ALS2: variants seen among roughly 807,000 people sequenced by gnomAD.
ALS2 encodes alsin.
A neutral mutation model predicts 203.4 loss-of-function variants in ALS2; 117 were observed. The observed-to-expected ratio is 0.58, with a 90% CI of 0.50 to 0.67. The LOEUF is 0.67. Among genes scored for constraint, ALS2 ranks in the 30% least tolerant of loss-of-function variants. ALS2 has a pLI of 0.00. For synonymous variants in ALS2, 718 were observed against 725.9 expected (o/e 0.99, Z 0.17); for missense variants, 1,715 against 1,989.4 (o/e 0.86, Z 2.62).
In ALS2 at chr2:201,767,260, G is replaced by A. The variant is rs375415875; in HGVS notation, c.144C>T (p.Leu48=). The part of the protein sequence containing the change: ...WGGKTVLQAA[L]GVKHGVLLTE... ...TCAGAAGAACTCCATGTTTCACTCC[G>A]AGGGCTGCCTGCAAAACAGTCTTTC... The change falls in exon 3 of 34, where the codon CTC becomes CTT. Residue 48 remains leucine, a synonymous_variant. Coordinates refer to ENST00000264276, the MANE Select transcript of ALS2 (RefSeq NM_020919.4). 24 of 1,613,806 alleles carry A rather than the reference G, an allele frequency of 1.5e-5. No individual in the cohort carries two copies. Among genetic ancestry groups the A allele is most frequent in the South Asian group, 5.5e-5 (5 of 91,072 alleles).
rs1043567918 is a variant in ALS2 at position 201,700,406 on chromosome 2, A to G, written c.*1445T>C. ...ATTGGTTTACGTTTATTTTAAAGAC[A>G]GAGATTTCTAAAACCCCAGAGGGAC... On this transcript the variant is annotated 3_prime_UTR_variant, in exon 34 of 34. Transcript: ENST00000264276. 2.0e-5 allele frequency: 3 copies of G among 152,460 alleles called. No individual in the cohort carries two copies. Among genetic ancestry groups the G allele is most frequent in the Admixed American group, 6.5e-5 (1 of 15,282 alleles). 9.4% of individuals were successfully genotyped at this position (152,460 alleles called of 1,614,324 possible). A position where few individuals can be genotyped will look rare whatever the true frequency, so the allele number is the denominator to read the frequency against.
At chr2:201,745,778 G>A (rs1389627648) in intron 9 of ALS2, among the ~76,000 whole-genome samples, 12 of 151,926 alleles carry the variant, frequency 7.9e-5, no homozygotes, top group Non-Finnish European at 1.8e-4. Flanking sequence ...GTGAAACCCC[G>A]TCTCTACTAA....
intron 7 of ALS2, among the ~76,000 whole-genome samples, chr2:201,752,273 G>A (rs1693111425): frequency 6.6e-6 from 1 of 152,060 alleles, no homozygotes; most frequent in Non-Finnish European, 1.5e-5. Flanking sequence ...CATCATATGG[G>A]TTATATGCAT....
rs187933633 is a variant in ALS2 at position 201,744,366 on chromosome 2, T to C, written c.2062A>G (p.Ile688Val). Residue 688 changes from isoleucine (I) to valine (V), a missense_variant, in exon 10 of 34, where the codon ATT (isoleucine) becomes GTT (valine). Physicochemically the swap from Ile to Val is conservative, Grantham distance 29. Around this residue, in one of 3 missense-constraint regions of ALS2, gnomAD observed 1,227 missense variants for 1,413.5 expected, o/e 0.87. Coordinates refer to ENST00000264276, the MANE Select transcript of ALS2 (RefSeq NM_020919.4). ...DSYLALVDKN[I>V]MGYIASLHEL... ...TGGAGACTGGCAATATACCCCATAA[T>C]GTTTTTATCCACCAAGGCTAAATAG... 6 of 1,614,120 alleles carry C rather than the reference T, an allele frequency of 3.7e-6. No individual in the cohort carries two copies. In the African/African-American group the frequency reaches 6.7e-5, roughly 18 times the overall value.
At chr2:201,769,691 T>C (rs1694284858) in intron 1 of ALS2, among the ~76,000 whole-genome samples, 1 of 152,208 alleles carries the variant, frequency 6.6e-6, no homozygotes, top group African/African-American at 2.4e-5. Context: ...CTGAGTGCAT[T>C]TCAACTCAGA....
In ALS2 at chr2:201,705,469, G is replaced by A. The variant is rs1043381850; in HGVS notation, c.4581-8C>T. The A allele has an allele frequency of 6.2e-7, 1 of 1,605,760 alleles. No individual in the cohort carries two copies. The highest frequency in any genetic ancestry group is 8.5e-7 in the Non-Finnish European group (1 of 1,172,692). On this transcript the variant is annotated splice_polypyrimidine_tract_variant and splice_region_variant and intron_variant, in intron 29 of 33. Transcript: ENST00000264276. ...GTTGCTGGCCAAAATTTCCTATAAT[G>A]GAATCCATAAATTATTAATATAAGT...
chr2:201,761,850 A>T, intron 3 of ALS2, 32 bp from the exon 4 acceptor site: 1 of 1,610,568 alleles, frequency 6.2e-7, no homozygotes, highest in Non-Finnish European at 8.5e-7. Context: ...AAAGAAAAAA[A>T]AAAGGGTTAG....
intron 1 of ALS2, among the ~76,000 whole-genome samples, chr2:201,777,558 A>T (rs1574815875): frequency 1.3e-5 from 2 of 152,310 alleles, no homozygotes; most frequent in South Asian, 4.1e-4. Flanking sequence ...CTATGTACTC[A>T]TCATCCAGTT....
Position 201,761,341 on chromosome 2 carries a change from T to C in ALS2, c.653A>G (p.Gln218Arg). Residue 218 changes from glutamine (Q) to arginine (R), a missense_variant, in exon 4 of 34, where the codon CAA becomes CGA. By Grantham distance (43) the Gln-to-Arg change is conservative. Transcript: ENST00000264276. ...CTTCAGATCCTGGGAAGGGAGGCAT[T>C]GTACAAGGGCTAAGCTGTGGAAAGC... ...CGAFHSLALV[Q>R]CLPSQDLKPV... is the part of the protein sequence containing the mutation. The C allele has an allele frequency of 1.2e-5, 20 of 1,614,096 alleles. No individual in the cohort carries two copies. The highest frequency in any genetic ancestry group is 1.5e-5 in the Non-Finnish European group (18 of 1,180,020).
intron 1 of ALS2, among the ~76,000 whole-genome samples, chr2:201,777,160 T>G (rs1308048498): frequency 6.6e-6 from 1 of 152,136 alleles, no homozygotes; most frequent in African/African-American, 2.4e-5. Context: ...AGGGCCTTAT[T>G]ATACAACTTG....
At position 201,761,464 on chromosome 2, in the gene ALS2, C is replaced by T. The variant is rs1693763893; in HGVS notation, c.530G>A (p.Gly177Asp). The change falls in exon 4 of 34, where the codon GGT becomes GAT. Residue 177 changes from glycine (G) to aspartate (D), a missense_variant. Coordinates refer to ENST00000264276, the MANE Select transcript of ALS2 (RefSeq NM_020919.4). ...AGTGGTAATGAGACCCAACTGACAA[C>T]CGGTACCCCATGCCCAAATCTCTCT... ...ISREIWAWGT[G>D]CQLGLITTAF... is the part of the protein sequence containing the mutation. 6.2e-7 allele frequency: 1 copy of T among 1,608,138 alleles called. No homozygotes were observed. The highest frequency in any genetic ancestry group is 8.5e-7 in the Non-Finnish European group (1 of 1,175,224).
intron 24 of ALS2, among the ~76,000 whole-genome samples, chr2:201,716,439 G>A (rs998381250): frequency 6.6e-6 from 1 of 151,690 alleles, no homozygotes; most frequent in African/African-American, 2.4e-5. Flanking sequence ...AGCTACTTGG[G>A]AGGCTGGGGC....
At chr2:201,772,841 G>A (rs1043753502) in intron 1 of ALS2, among the ~76,000 whole-genome samples, 3 of 141,698 alleles carry the variant, frequency 2.1e-5, no homozygotes, top group African/African-American at 7.9e-5. Flanking sequence ...GTCTATGGAT[G>A]CTTTCATGAT....
At chr2:201,747,464 T>C (rs1370120175) in intron 8 of ALS2, among the ~76,000 whole-genome samples, 1 of 47,946 alleles carries the variant, frequency 2.1e-5, no homozygotes, top group Non-Finnish European at 7.5e-5. Flanking sequence ...CTCGGTCGCT[T>C]TTTTTTTTTT....
intron 1 of ALS2, among the ~76,000 whole-genome samples, chr2:201,770,952 TA>T (rs1320016351): frequency 6.6e-6 from 1 of 152,196 alleles, no homozygotes; most frequent in Non-Finnish European, 1.5e-5. Flanking sequence ...TGTGTTATTT[TA>T]AGCCACTAAG....
intron 4 of ALS2, among the ~76,000 whole-genome samples, chr2:201,758,760 A>ATGTGTGTGTGTGTGTGTG (rs775648737): frequency 1.3e-5 from 2 of 150,628 alleles, no homozygotes; most frequent in African/African-American, 4.9e-5. Flanking sequence ...GTGTGTGCGC[A>ATGTGTGTGTGTGTGTGTG]TGTGTGTGTG....
intron 26 of ALS2, among the ~76,000 whole-genome samples, chr2:201,710,600 C>T (rs1351769564): frequency 6.6e-6 from 1 of 152,160 alleles, no homozygotes; most frequent in East Asian, 1.9e-4. Flanking sequence ...CCTTCCTGCA[C>T]TTCCCATCAA....
At chr2:201,752,411 C>T (rs918176070) in intron 7 of ALS2, among the ~76,000 whole-genome samples, 1 of 151,884 alleles carries the variant, frequency 6.6e-6, no homozygotes, top group African/African-American at 2.4e-5. Flanking sequence ...GACCTCCTTC[C>T]TAATCTCTCA....
chr2:201,759,980 T>G, intron 4 of ALS2: 1 of 983,966 alleles, frequency 1.0e-6, no homozygotes, highest in Non-Finnish European at 1.2e-6. Flanking sequence ...GATAAACAAC[T>G]TTTGTTCATT....
Sources: gnomAD v4.1 joint callset for allele counts (sites outside exome capture counted in the v4.1 genomes callset) on GRCh38, gnomAD v4.1.1 for gene constraint, gnomAD v4.1.1 regional missense constraint, MANE v1.5 for transcripts, NCBI Gene and HGNC (gene_info 2026-07-23, HGNC 2026-07-21) for gene names.